EXD3: variants seen among roughly 807,000 people sequenced by gnomAD.
The protein encoded by EXD3 is exonuclease 3'-5' domain containing 3.
Under a neutral mutation model 98.0 loss-of-function variants are expected in EXD3, and 92 were observed. The observed-to-expected ratio is 0.94, with a 90% CI of 0.79 to 1.12. The LOEUF is 1.12. EXD3 is among the 50% of genes most tolerant of loss of function. EXD3 has a pLI of 0.00. For synonymous variants in EXD3, 569 were observed against 526.0 expected (o/e 1.08, Z -1.12); for missense variants, 1,222 against 1,191.6 (o/e 1.03, Z -0.38).
chr9:137,309,697 A>G lies in EXD3; in HGVS notation c.2188T>C (p.Cys730Arg). The change falls in exon 20 of 22, where the codon TGT (cysteine) becomes CGT (arginine). Residue 730 changes from cysteine to arginine, a missense_variant. Physicochemically the swap from Cys to Arg is radical, Grantham distance 180 (BLOSUM62 -3). Coordinates refer to ENST00000340951, the MANE Select transcript of EXD3 (RefSeq NM_017820.5). Reference sequence around the variant, plus strand: ...ACCTTTAGGTACTGGTCACAGTTACAGGCCTGGGGGCCAGAGGGGGTGCTG... The same window carrying G: ...ACCTTTAGGTACTGGTCACAGTTACGGGCCTGGGGGCCAGAGGGGGTGCTG... Reference protein sequence around the residue: ...HADIFSRCQACNCDQYLKVSR... With the variant: ...HADIFSRCQARNCDQYLKVSR... 6.4e-7 allele frequency: 1 copy of G among 1,553,134 alleles called. No homozygotes were observed. The highest frequency in any genetic ancestry group is 8.7e-7 in the Non-Finnish European group (1 of 1,148,452).
chr9:137,328,604 ACACGGGGC>A (rs1832649308), intron 17 of EXD3, among the ~76,000 whole-genome samples: 1 of 92,402 alleles, frequency 1.1e-5, no homozygotes, highest in African/African-American at 6.6e-5. Flanking sequence ...ACACGGGACT[ACACGGGGC>A]TACACGGGAC....
intron 2 of EXD3, among the ~76,000 whole-genome samples, chr9:137,388,797 G>A (rs965270298): frequency 6.6e-6 from 1 of 152,192 alleles, no homozygotes; most frequent in Non-Finnish European, 1.5e-5. Flanking sequence ...ACACCTGCCA[G>A]CAGCATCAGA....
At position 137,349,264 on chromosome 9, in the gene EXD3, A is replaced by C; in HGVS notation, c.1676T>G (p.Leu559Arg). The change falls in exon 16 of 22, where the codon CTG becomes CGG. Residue 559 changes from leucine to arginine, a missense_variant. By Grantham distance (102) the Leu-to-Arg change is moderately radical. Coordinates refer to ENST00000340951, the MANE Select transcript of EXD3 (RefSeq NM_017820.5). The surrounding 1 kb of genome is among the most constrained non-coding windows in gnomAD (Gnocchi z 7.4). The stretch of plus-strand genomic sequence containing the variant: ...GCACAGGGCTTGGTGCACCTCCAGC[A>C]GGCAGTAGGCGTCGGCAGCTGTGTG... Reference protein sequence around the residue: ...VIYAAADAYCLLEVHQALCRE... With the variant: ...VIYAAADAYCRLEVHQALCRE... 6.4e-7 allele frequency: 1 copy of C among 1,569,308 alleles called. No individual in the cohort carries two copies. The highest frequency in any genetic ancestry group is 8.6e-7 in the Non-Finnish European group (1 of 1,164,420).
rs936886131 is a variant in EXD3, at chr9:137,365,681, G to T, written c.656+812C>A. 2.3e-5 allele frequency: 5 copies of T among 218,392 alleles called. No individual in the cohort carries two copies. In the Admixed American group the frequency reaches 2.9e-4, roughly 13 times the overall value. The allele number at this position is 218,392 out of a possible 1,614,324, so 13.5% of individuals were successfully genotyped here. On this transcript the variant is annotated intron_variant, in intron 7 of 21. Transcript: ENST00000340951. ...CACACCACACGCACACACATGCACA[G>T]GCACACATGCACACACGTACACACC...
chr9:137,348,462 G>T (rs1187761984), intron 16 of EXD3, among the ~76,000 whole-genome samples: 2 of 137,862 alleles, frequency 1.5e-5, no homozygotes, highest in African/African-American at 5.5e-5. Flanking sequence ...CCACGTGTGT[G>T]TCTGGGGTGG....
intron 17 of EXD3, among the ~76,000 whole-genome samples, chr9:137,327,898 GATGAGTAAAA>G: frequency 8.2e-6 from 1 of 122,342 alleles, no homozygotes. Flanking sequence ...ACACCCACAT[GATGAGTAAAA>G]ACAACTAATA....
At chr9:137,378,680 A>C (rs1294056392) in intron 3 of EXD3, among the ~76,000 whole-genome samples, 1 of 152,244 alleles carries the variant, frequency 6.6e-6, no homozygotes, top group Non-Finnish European at 1.5e-5. Context: ...AAAAGGAGGA[A>C]GCTGACACAG....
intron 17 of EXD3, among the ~76,000 whole-genome samples, chr9:137,344,893 A>G (rs1304918137): frequency 4.1e-5 from 6 of 147,700 alleles, no homozygotes; most frequent in Non-Finnish European, 5.9e-5. Flanking sequence ...TCAGCTGAAT[A>G]TCCAGGTCTT....
chr9:137,370,555 G>A (rs546196987), intron 5 of EXD3, among the ~76,000 whole-genome samples: 3 of 151,898 alleles, frequency 2.0e-5, no homozygotes, highest in South Asian at 4.2e-4. Flanking sequence ...GCGGGGTCGG[G>A]GTGGGGCTGT....
At chr9:137,383,910 C>G (rs769665215) in intron 2 of EXD3, among the ~76,000 whole-genome samples, 1 of 152,222 alleles carries the variant, frequency 6.6e-6, no homozygotes, top group Non-Finnish European at 1.5e-5. Flanking sequence ...CTGCCCCACA[C>G]GGACAGGGCC....
chr9:137,351,003 C>T (rs781295026), intron 14 of EXD3, 35 bp downstream of exon 14: 10 of 1,535,444 alleles, frequency 6.5e-6, no homozygotes, highest in Middle Eastern at 3.4e-4. Flanking sequence ...CCCAGGCCCA[C>T]CCGGCATCTT....
chr9:137,368,169 C>A (rs767415019), intron 5 of EXD3, among the ~76,000 whole-genome samples, 180 bp from the exon 6 acceptor site: 3 of 152,230 alleles, frequency 2.0e-5, no homozygotes, highest in South Asian at 2.1e-4. Context: ...GACAAGCCCC[C>A]CCGTGCTGAG....
rs1043219690 is a variant in EXD3, at chr9:137,385,278, G to A, written c.56-1901C>T. ...CTCAAATGTCCACTGTAGGAGGACG[G>A]AGCAAGTGCATCAGCCCCGGGACGA... On this transcript the variant is annotated intron_variant, in intron 2 of 21. Transcript: ENST00000340951. The surrounding 1 kb of genome is among the most constrained non-coding windows in gnomAD (Gnocchi z 4.4). 6.6e-6 allele frequency among the ~76,000 whole-genome samples: 1 copy of A among 152,166 alleles called. No homozygotes were observed. Among genetic ancestry groups the A allele is most frequent in the Non-Finnish European group, 1.5e-5 (1 of 68,032 alleles).
chr9:137,350,785 G>A (rs901849139), intron 14 of EXD3, among the ~76,000 whole-genome samples: 1 of 152,042 alleles, frequency 6.6e-6, no homozygotes, highest in African/African-American at 2.4e-5. Context: ...AGGTCTGGGG[G>A]AAGGTGCCCT....
chr9:137,322,158 G>A (rs921110331), intron 19 of EXD3, among the ~76,000 whole-genome samples: 12 of 152,282 alleles, frequency 7.9e-5, no homozygotes, highest in South Asian at 2.1e-4. Flanking sequence ...GCTGTCCTGC[G>A]TGTTGCCTTT....
intron 2 of EXD3, among the ~76,000 whole-genome samples, chr9:137,386,562 G>C (rs1007223041): frequency 6.6e-6 from 1 of 152,094 alleles, no homozygotes; most frequent in Admixed American, 6.5e-5. Flanking sequence ...CGCGCAACAC[G>C]GCACAGCCCT....
chr9:137,406,157 G>C (rs573924087), intron 1 of EXD3, among the ~76,000 whole-genome samples: 1 of 151,284 alleles, frequency 6.6e-6, no homozygotes, highest in Non-Finnish European at 1.5e-5. Flanking sequence ...TCAAGGCTGC[G>C]GTGACCCAAG....
At chr9:137,352,531 G>C in intron 11 of EXD3, 89 bp downstream of exon 11, 1 of 1,258,002 alleles carries the variant, frequency 7.9e-7, no homozygotes, top group Non-Finnish European at 1.1e-6. Context: ...CAAGCCACTG[G>C]CGTGAAGACT....
rs751611486 is a variant in EXD3, at chr9:137,395,970, CTT to C, written c.-47-568_-47-567del. Among the ~76,000 whole-genome samples, 37 of 140,646 alleles carry C rather than the reference CTT, an allele frequency of 2.6e-4. No homozygotes were observed. The highest frequency in any genetic ancestry group is 2.8e-4 in the Non-Finnish European group (18 of 64,506). 92.3% of individuals were successfully genotyped at this position (140,646 alleles called of 152,430 possible). A position where few individuals can be genotyped will look rare whatever the true frequency, so the allele number is the denominator to read the frequency against. ...TTTTTTTTCTTTTCTTTCTTTCTTT[CTT>C]TTTTTTTTTTTTGGAGACAGAGTCT... On this transcript the variant is annotated intron_variant, in intron 1 of 21. Transcript: ENST00000340951. This position sits in a 1 kb window ranked among gnomAD's most constrained non-coding sequence, Gnocchi z 6.5.
Sources: gnomAD v4.1 joint callset for allele counts (sites outside exome capture counted in the v4.1 genomes callset) on GRCh38, gnomAD v4.1.1 for gene constraint, Gnocchi (gnomAD v3.1) non-coding constraint, MANE v1.5 for transcripts, NCBI Gene and HGNC (gene_info 2026-07-23, HGNC 2026-07-21) for gene names.